Variants in FBXO34 observed in about 807,000 individuals in gnomAD.
FBXO34 encodes F-box protein 34, also known as F-box only protein 34.
In FBXO34, 12 loss-of-function variants were observed where a neutral mutation model predicts 24.5. The ratio of observed to expected loss-of-function variants is 0.49; its 90% CI spans 0.31 to 0.79. The LOEUF (loss-of-function observed/expected upper bound fraction) is 0.79. Ranked by LOEUF, FBXO34 falls within the 30% of genes least tolerant of loss-of-function variation. The pLI is 0.04. For missense variants in FBXO34, 823 were observed against 857.7 expected (o/e 0.96, Z 0.51); for synonymous variants, 320 against 311.9 (o/e 1.03, Z -0.27).
At chr14:55,395,487 G>C in the FBXO34 span, among the ~76,000 whole-genome samples, 1 of 152,134 alleles carries the variant, frequency 6.6e-6, no homozygotes, top group Non-Finnish European at 1.5e-5. Context: ...CAAGTAGCTG[G>C]GATTACAGGC....
the FBXO34 span, among the ~76,000 whole-genome samples, chr14:55,441,089 A>G: frequency 1.3e-5 from 2 of 151,768 alleles, no homozygotes; most frequent in South Asian, 2.1e-4. Context: ...CAGGTGATCC[A>G]CCCGCCTCGG....
chr14:55,278,995 T>C (rs1318489078), intron 1 of FBXO34, among the ~76,000 whole-genome samples: 1 of 152,114 alleles, frequency 6.6e-6, no homozygotes, highest in African/African-American at 2.4e-5. Flanking sequence ...CCTGTTTCTT[T>C]ATTAAAGAGA....
chr14:55,401,674 C>T, the FBXO34 span, among the ~76,000 whole-genome samples: 1 of 152,056 alleles, frequency 6.6e-6, no homozygotes, highest in African/African-American at 2.4e-5. Context: ...AAAAAAGGTA[C>T]TCCCTTAAAC....
Position 55,289,940 on chromosome 14 carries a change from T to C in FBXO34, c.-11+18403T>C, listed in dbSNP as rs1881888035. 2.0e-5 allele frequency among the ~76,000 whole-genome samples: 3 copies of C among 152,176 alleles called. No homozygotes were observed. In the South Asian group the frequency reaches 6.2e-4, roughly 31 times the overall value. Reference sequence around the variant, plus strand: ...ACCTAACAGTAGTTTTTAAATTCTTTACATATTGGTGTATGAAGAGTGTAT... The same window carrying C: ...ACCTAACAGTAGTTTTTAAATTCTTCACATATTGGTGTATGAAGAGTGTAT... On this transcript the variant is annotated intron_variant, in intron 1 of 1. Coordinates refer to ENST00000313833, the MANE Select transcript of FBXO34 (RefSeq NM_017943.4).
chr14:55,423,458 A>G, the FBXO34 span, among the ~76,000 whole-genome samples: 1 of 152,236 alleles, frequency 6.6e-6, no homozygotes, highest in Non-Finnish European at 1.5e-5. Context: ...TGCCCTTCAT[A>G]AGTAGCAAAC....
chr14:55,301,850 T>C (rs985005389), intron 1 of FBXO34, among the ~76,000 whole-genome samples: 3 of 152,224 alleles, frequency 2.0e-5, no homozygotes, highest in African/African-American at 7.2e-5. Flanking sequence ...AGTCATGTCA[T>C]GTGTACCATA....
chr14:55,357,124 T>C (rs1286793426), downstream of FBXO34, among the ~76,000 whole-genome samples: 1 of 152,234 alleles, frequency 6.6e-6, no homozygotes, highest in African/African-American at 2.4e-5. Flanking sequence ...GCACAACCTC[T>C]TGGGAAGAGC....
the FBXO34 span, among the ~76,000 whole-genome samples, chr14:55,427,572 T>A: frequency 6.6e-5 from 10 of 152,088 alleles, no homozygotes. Context: ...GCCAAGAGAA[T>A]TTAAGAGCAT....
the FBXO34 span, among the ~76,000 whole-genome samples, chr14:55,423,804 C>G: frequency 6.6e-6 from 1 of 152,086 alleles, no homozygotes; most frequent in Admixed American, 6.5e-5. Flanking sequence ...AGTATTTGGC[C>G]CTTTCCAGAA....
downstream of FBXO34, chr14:55,370,009 C>G (rs1373291551): frequency 1.0e-5 from 14 of 1,376,504 alleles, no homozygotes; most frequent in Admixed American, 4.5e-5. Context: ...AGGCCCTCAC[C>G]TGAGGGGATG....
At chr14:55,400,132 G>C in the FBXO34 span, among the ~76,000 whole-genome samples, 1 of 152,146 alleles carries the variant, frequency 6.6e-6, no homozygotes, top group African/African-American at 2.4e-5. Context: ...AACCACATGC[G>C]TGGGTCAGGG....
At chr14:55,289,053 A>G (rs367774772) in intron 1 of FBXO34, among the ~76,000 whole-genome samples, 2 of 152,152 alleles carry the variant, frequency 1.3e-5, no homozygotes, top group Admixed American at 1.3e-4. Context: ...TCTGTCTCAA[A>G]AAAACAAAAA....
At chr14:55,282,385 G>A (rs1881582382) in intron 1 of FBXO34, 2 of 411,990 alleles carry the variant, frequency 4.9e-6, no homozygotes, top group African/African-American at 2.0e-5. Flanking sequence ...ATCCTGTCAT[G>A]GATTCATTTA....
intron 1 of FBXO34, among the ~76,000 whole-genome samples, chr14:55,316,724 CAAAA>C (rs61450097): frequency 7.9e-6 from 1 of 127,328 alleles, no homozygotes; most frequent in East Asian, 2.3e-4. Flanking sequence ...AGGAACATCT[CAAAA>C]AAAAAAAAAG....
At chr14:55,380,686 C>T in the FBXO34 span, 2 of 1,595,132 alleles carry the variant, frequency 1.3e-6, no homozygotes, top group Non-Finnish European at 1.7e-6. Context: ...TACTCTGCTC[C>T]ATGTCTGCAG....
At chr14:55,364,530 TTCTCCCGCC>T (rs1364604578), downstream of FBXO34, among the ~76,000 whole-genome samples, 1 of 152,038 alleles carries the variant, frequency 6.6e-6, no homozygotes, top group Non-Finnish European at 1.5e-5. Flanking sequence ...TTTCATGTGA[TTCTCCCGCC>T]TCAGCCTCTT....
downstream of FBXO34, among the ~76,000 whole-genome samples, chr14:55,364,285 G>A (rs773967989): frequency 2.0e-5 from 3 of 152,020 alleles, no homozygotes; most frequent in Non-Finnish European, 4.4e-5. Context: ...TCATTCAAAG[G>A]CTCCTTTAGA....
At chr14:55,414,476 A>G in the FBXO34 span, 1 of 1,544,150 alleles carries the variant, frequency 6.5e-7, no homozygotes, top group Non-Finnish European at 8.7e-7. Context: ...ATCCAGGTTT[A>G]TATAATTTTT....
At chr14:55,426,385 T>A in the FBXO34 span, among the ~76,000 whole-genome samples, 1,307 of 152,278 alleles carry the variant, frequency 8.6e-3, 16 homozygotes, top group African/African-American at 0.03. Flanking sequence ...AGGAGATACT[T>A]GTATTATTAA....
Sources: gnomAD v4.1 joint callset for allele counts (sites outside exome capture counted in the v4.1 genomes callset) on GRCh38, gnomAD v4.1.1 for gene constraint, MANE v1.5 for transcripts, NCBI Gene and HGNC (gene_info 2026-07-23, HGNC 2026-07-21) for gene names.